XCR1: variants seen among roughly 807,000 people sequenced by gnomAD.
XCR1 encodes X-C motif chemokine receptor 1.
For missense variants in XCR1, 356 were observed against 424.2 expected (o/e 0.84, Z 1.41); for synonymous variants, 187 against 188.5 (o/e 0.99, Z 0.06).
rs557595547 is a variant in XCR1 at position 46,080,429 on chromosome 3, G to T, written c.-514-3503C>A. ...TTTAAAACTTTGGCCAAGCATGGTGGCTCACATCTGTAATCCCAGCTACTT... is the reference window on the plus strand; with the variant it reads ...TTTAAAACTTTGGCCAAGCATGGTGTCTCACATCTGTAATCCCAGCTACTT... On this transcript the variant is annotated intron_variant, in intron 1 of 5. Transcript: ENST00000683768. Among the ~76,000 whole-genome samples the T allele has an allele frequency of 2.1e-3, 325 of 152,246 alleles. 1 individual carries two copies. Among genetic ancestry groups the T allele is most frequent in the Non-Finnish European group, 3.7e-3 (255 of 68,004 alleles).
chr3:46,034,350 T>C (rs901604090), intron 5 of XCR1, among the ~76,000 whole-genome samples: 1 of 152,114 alleles, frequency 6.6e-6, no homozygotes, highest in Non-Finnish European at 1.5e-5. Context: ...ATTATAGGAG[T>C]TTTTTTGTGC....
At chr3:46,067,834 A>G (rs1353823527) in intron 3 of XCR1, among the ~76,000 whole-genome samples, 7 of 152,138 alleles carry the variant, frequency 4.6e-5, no homozygotes, top group Non-Finnish European at 1.0e-4. Flanking sequence ...GGGGCCAGCA[A>G]ACGAGAAACT....
At chr3:46,064,298 A>G (rs1698022278) in intron 4 of XCR1, among the ~76,000 whole-genome samples, 1 of 152,192 alleles carries the variant, frequency 6.6e-6, no homozygotes, top group Admixed American at 6.5e-5. Context: ...GGCAGGGATC[A>G]TGTCTCTGTA....
At chr3:46,052,890 C>G (rs1370998394) in intron 5 of XCR1, among the ~76,000 whole-genome samples, 1 of 152,232 alleles carries the variant, frequency 6.6e-6, no homozygotes, top group Non-Finnish European at 1.5e-5. Flanking sequence ...AAGGATTATA[C>G]TGGGACTCCC....
chr3:46,060,467 C>T (rs1018500694), intron 4 of XCR1, among the ~76,000 whole-genome samples: 2 of 152,218 alleles, frequency 1.3e-5, no homozygotes, highest in Non-Finnish European at 2.9e-5. Flanking sequence ...CAGGATCAAT[C>T]ATCCCAACCA....
intron 1 of XCR1, among the ~76,000 whole-genome samples, chr3:46,085,322 C>A (rs531459209): frequency 2.6e-5 from 4 of 152,128 alleles, no homozygotes; most frequent in African/African-American, 9.6e-5. Context: ...AACTGAGGCA[C>A]AAGGAGGCAA....
At chr3:46,063,736 C>T (rs979657211) in intron 4 of XCR1, among the ~76,000 whole-genome samples, 15 of 152,220 alleles carry the variant, frequency 9.9e-5, no homozygotes, top group Admixed American at 3.9e-4. Context: ...TCTCTCACGT[C>T]CCCCTTCCCC....
chr3:46,040,621 T>C (rs558363219), intron 5 of XCR1, among the ~76,000 whole-genome samples: 33 of 152,252 alleles, frequency 2.2e-4, no homozygotes, highest in African/African-American at 7.7e-4. Flanking sequence ...GATTATTATG[T>C]TAAATTGTTG....
rs1708112417 is a variant in XCR1 at position 46,020,174 on chromosome 3, G to C, written c.*772C>G. On this transcript the variant is annotated 3_prime_UTR_variant, in exon 2 of 2. Coordinates refer to ENST00000309285, the MANE Select transcript of XCR1 (RefSeq NM_001024644.2). ...ACCAAGGTGGGTGTTCACCAAGGTAGGTGAGCCTTTGGAGCTGGGCTGTTG... is the reference window on the plus strand; with the variant it reads ...ACCAAGGTGGGTGTTCACCAAGGTACGTGAGCCTTTGGAGCTGGGCTGTTG... 3 of 152,296 alleles carry C rather than the reference G, an allele frequency of 2.0e-5. No individual in the cohort carries two copies. Among genetic ancestry groups the C allele is most frequent in the Admixed American group, 1.3e-4 (2 of 15,292 alleles). 9.4% of individuals were successfully genotyped at this position (152,296 alleles called of 1,614,324 possible).
At chr3:46,061,439 T>C (rs936107627) in intron 4 of XCR1, among the ~76,000 whole-genome samples, 6 of 152,198 alleles carry the variant, frequency 3.9e-5, no homozygotes, top group Non-Finnish European at 8.8e-5. Context: ...CAGGAGTGTC[T>C]GGAGAAAGAA....
intron 5 of XCR1, among the ~76,000 whole-genome samples, chr3:46,045,821 A>G (rs1697614669): frequency 6.6e-6 from 1 of 152,210 alleles, no homozygotes; most frequent in African/African-American, 2.4e-5. Context: ...TTTCTTAAAG[A>G]ACCAAACATA....
At chr3:46,062,244 A>G (rs1203136482) in intron 4 of XCR1, among the ~76,000 whole-genome samples, 1 of 152,136 alleles carries the variant, frequency 6.6e-6, no homozygotes, top group Non-Finnish European at 1.5e-5. Flanking sequence ...GCAGCCATGG[A>G]CATGCCCGCT....
At chr3:46,050,968 G>C (rs1226557676) in intron 5 of XCR1, among the ~76,000 whole-genome samples, 1 of 152,116 alleles carries the variant, frequency 6.6e-6, no homozygotes, top group Non-Finnish European at 1.5e-5. Context: ...TGACTTTTCT[G>C]TATGTCCTGC....
At chr3:46,076,310 C>T (rs556134280) in intron 2 of XCR1, among the ~76,000 whole-genome samples, 45 of 152,318 alleles carry the variant, frequency 3.0e-4, no homozygotes, top group African/African-American at 8.9e-4. Flanking sequence ...CCCTTGTATT[C>T]TTCTGGCTTT....
intron 5 of XCR1, among the ~76,000 whole-genome samples, chr3:46,046,389 C>G (rs1304962326): frequency 2.0e-5 from 3 of 152,194 alleles, no homozygotes; most frequent in African/African-American, 7.2e-5. Flanking sequence ...ACTGCATTCT[C>G]TAGATGTCCC....
intron 5 of XCR1, among the ~76,000 whole-genome samples, chr3:46,049,243 G>A (rs1218474005): frequency 6.6e-6 from 1 of 152,160 alleles, no homozygotes; most frequent in Non-Finnish European, 1.5e-5. Flanking sequence ...GTGGCTCCAG[G>A]GGCATGCTGG....
chr3:46,069,217 T>C (rs28393246), intron 3 of XCR1, among the ~76,000 whole-genome samples: 13,899 of 150,396 alleles, frequency 0.092, 2,160 homozygotes, highest in African/African-American at 0.32. Context: ...AAGAGCAAAA[T>C]AAACCCAAAG....
At chr3:46,035,104 A>ATG (rs1697401023) in intron 5 of XCR1, among the ~76,000 whole-genome samples, 1 of 152,038 alleles carries the variant, frequency 6.6e-6, no homozygotes, top group Non-Finnish European at 1.5e-5. Context: ...ACAGGTGCTC[A>ATG]CCACCACAGC....
chr3:46,021,569 G>T lies in XCR1; in HGVS notation c.379C>A (p.Arg127Ser). The change falls in exon 2 of 2, where the codon CGC becomes AGC. Residue 127 changes from arginine to serine, a missense_variant. Physicochemically the swap from Arg to Ser is moderately radical, Grantham distance 110 (BLOSUM62 -1). Coordinates refer to ENST00000309285, the MANE Select transcript of XCR1 (RefSeq NM_001024644.2). This position sits in a 1 kb window ranked among gnomAD's most constrained non-coding sequence, Gnocchi z 4.7. ...IFFLTIMTIH[R>S]YLSVVSPLST... ...AGGGGGCTCACTACCGACAGGTAGC[G>T]GTGGATGGTCATGATGGTCAGGAAG... 3 of 1,611,116 alleles carry T rather than the reference G, an allele frequency of 1.9e-6. No individual in the cohort carries two copies. The highest frequency in any genetic ancestry group is 2.5e-6 in the Non-Finnish European group (3 of 1,178,518).
Sources: gnomAD v4.1 joint callset for allele counts (sites outside exome capture counted in the v4.1 genomes callset) on GRCh38, gnomAD v4.1.1 for gene constraint, Gnocchi (gnomAD v3.1) non-coding constraint, MANE v1.5 for transcripts, NCBI Gene and HGNC (gene_info 2026-07-23, HGNC 2026-07-21) for gene names.